Variants in PCDH9 observed in about 807,000 individuals in gnomAD.
PCDH9 encodes the protein protocadherin 9.
A neutral mutation model predicts 70.6 loss-of-function variants in PCDH9; 24 were observed. The observed-to-expected ratio is 0.34, with a 90% CI of 0.25 to 0.48. The LOEUF (loss-of-function observed/expected upper bound fraction) is 0.48, where lower values mean the gene tolerates loss of function less well. Among genes scored for constraint, PCDH9 ranks in the 20% least tolerant of loss-of-function variants. The probability of loss-of-function intolerance (pLI) is 0.99; values close to 1 mark genes in which losing one functional copy is unlikely to be tolerated. For synonymous variants in PCDH9, 562 were observed against 558.5 expected (o/e 1.01, Z -0.09); for missense variants, 1,281 against 1,503.6 (o/e 0.85, Z 2.45).
At chr13:66,744,016 C>G (rs1443475461) in intron 3 of PCDH9, among the ~76,000 whole-genome samples, 1 of 151,996 alleles carries the variant, frequency 6.6e-6, no homozygotes, top group African/African-American at 2.4e-5. Context: ...AAAGGCCATA[C>G]GTGCATAAAA....
intron 3 of PCDH9, among the ~76,000 whole-genome samples, chr13:66,715,469 G>A (rs1017659197): frequency 5.3e-5 from 8 of 152,084 alleles, no homozygotes; most frequent in Non-Finnish European, 8.8e-5. Flanking sequence ...CTGAAAATAA[G>A]AGATCAATAA....
At chr13:66,623,921 C>A (rs907194275) in intron 4 of PCDH9, among the ~76,000 whole-genome samples, 4 of 152,144 alleles carry the variant, frequency 2.6e-5, no homozygotes, top group Admixed American at 2.6e-4. Flanking sequence ...AAACTATACT[C>A]AGTGAGAAGT....
At chr13:66,580,657 C>T (rs867224620) in intron 4 of PCDH9, among the ~76,000 whole-genome samples, 1 of 151,724 alleles carries the variant, frequency 6.6e-6, no homozygotes, top group African/African-American at 2.4e-5. Context: ...TACTTCCCAC[C>T]ACCACCCCAC....
At chr13:66,959,605 G>A (rs1029170427) in intron 2 of PCDH9, among the ~76,000 whole-genome samples, 2 of 151,798 alleles carry the variant, frequency 1.3e-5, no homozygotes, top group African/African-American at 4.8e-5. Flanking sequence ...TAAAAAATTA[G>A]CTGGGTGTGG....
intron 3 of PCDH9, among the ~76,000 whole-genome samples, chr13:66,728,505 T>G (rs2079033712): frequency 6.6e-6 from 1 of 152,132 alleles, no homozygotes; most frequent in African/African-American, 2.4e-5. Context: ...AGGTGATCTT[T>G]CTTTCCTAAG....
chr13:66,876,010 C>T (rs2081800438), intron 3 of PCDH9, among the ~76,000 whole-genome samples: 1 of 152,126 alleles, frequency 6.6e-6, no homozygotes, highest in African/African-American at 2.4e-5. Context: ...ATACTGCTGA[C>T]CATCAAAACA....
chr13:66,347,986 T>G (rs536798060), intron 4 of PCDH9, among the ~76,000 whole-genome samples: 21 of 152,338 alleles, frequency 1.4e-4, no homozygotes, highest in African/African-American at 4.8e-4. Flanking sequence ...TCTTCAGGCC[T>G]CAGTTCAGTC....
intron 2 of PCDH9, among the ~76,000 whole-genome samples, chr13:67,033,909 G>C (rs2084957113): frequency 6.6e-6 from 1 of 152,186 alleles, no homozygotes; most frequent in African/African-American, 2.4e-5. Context: ...GGATGAGGAA[G>C]AGATTCAGAC....
intron 3 of PCDH9, among the ~76,000 whole-genome samples, chr13:66,836,021 T>C (rs939331271): frequency 1.1e-4 from 17 of 152,100 alleles, no homozygotes; most frequent in Non-Finnish European, 1.9e-4. Flanking sequence ...AGTTTGAACA[T>C]TAAAGTAATA....
intron 2 of PCDH9, among the ~76,000 whole-genome samples, chr13:66,912,430 G>C (rs977810217): frequency 1.2e-4 from 19 of 152,098 alleles, no homozygotes; most frequent in African/African-American, 4.1e-4. Flanking sequence ...GACGAGCCCA[G>C]GTGTATAGCG....
intron 4 of PCDH9, among the ~76,000 whole-genome samples, chr13:66,501,946 T>TA (rs1422335479): frequency 1.3e-5 from 2 of 152,100 alleles, no homozygotes; most frequent in Non-Finnish European, 2.9e-5. Context: ...CATAAAAACT[T>TA]AGAGTGCTGT....
chr13:66,839,999 C>G (rs1239829608), intron 3 of PCDH9, among the ~76,000 whole-genome samples: 1 of 152,154 alleles, frequency 6.6e-6, no homozygotes, highest in African/African-American at 2.4e-5. Context: ...AATCTTAGTG[C>G]CATGGACACT....
At position 66,869,651 on chromosome 13, in the gene PCDH9, A is replaced by C. The variant is rs150951397; in HGVS notation, c.3138+33853T>G. On this transcript the variant is annotated intron_variant, in intron 3 of 4. Transcript: ENST00000377865. ...ACTTATTCTGCGTGTCTTTATGTTT[A>C]GTTGCTATAAAAGAACTGTTAAAAA... Among the ~76,000 whole-genome samples, 37 of 152,242 alleles carry C rather than the reference A, an allele frequency of 2.4e-4. 2 individuals carry two copies. The East Asian group carries it at 3.1e-3, about 13-fold the overall frequency.
intron 2 of PCDH9, among the ~76,000 whole-genome samples, chr13:67,156,282 A>T (rs1048465186): frequency 4.6e-5 from 7 of 152,140 alleles, no homozygotes; most frequent in African/African-American, 1.4e-4. Context: ...AGAGGAGCGG[A>T]TCAGCAGAAG....
Position 66,644,281 on chromosome 13 carries a change from T to TA in PCDH9, c.3139-12871dup, listed in dbSNP as rs1182437275. Among the ~76,000 whole-genome samples the TA allele has an allele frequency of 2.6e-5, 4 of 151,872 alleles. No individual in the cohort carries two copies. The East Asian group carries it at 7.7e-4, about 29-fold the overall frequency. On this transcript the variant is annotated intron_variant, in intron 3 of 4. Coordinates refer to ENST00000377865, the MANE Select transcript of PCDH9 (RefSeq NM_203487.3). ...TAACATTAACTATGAATTTTATTAA[T>TA]AAAAAATGCATCAATACTGGCTCAT...
chr13:66,561,408 G>C (rs1962027235), intron 4 of PCDH9, among the ~76,000 whole-genome samples: 1 of 152,180 alleles, frequency 6.6e-6, no homozygotes, highest in African/African-American at 2.4e-5. Context: ...GAGGAGTGCA[G>C]ACACAAGGCA....
At chr13:66,549,857 T>A (rs1427532367) in intron 4 of PCDH9, among the ~76,000 whole-genome samples, 1 of 152,068 alleles carries the variant, frequency 6.6e-6, no homozygotes, top group African/African-American at 2.4e-5. Context: ...TATCTCTATT[T>A]AAAACAAAAA....
At chr13:67,063,960 A>G (rs895116980) in intron 2 of PCDH9, among the ~76,000 whole-genome samples, 2 of 152,184 alleles carry the variant, frequency 1.3e-5, no homozygotes, top group African/African-American at 4.8e-5. Context: ...AACATTTTGC[A>G]TAAATTATTT....
rs566354750 is a variant in PCDH9 at position 67,069,164 on chromosome 13, T to A, written c.3036+156241A>T. On this transcript the variant is annotated intron_variant, in intron 2 of 4. Coordinates refer to ENST00000377865, the MANE Select transcript of PCDH9 (RefSeq NM_203487.3). The stretch of plus-strand genomic sequence containing the variant: ...AATAAAATGCATTTAACTTAAATTT[T>A]CATAAAACTTTATCATATTAATACT... 6.7e-4 allele frequency among the ~76,000 whole-genome samples: 102 copies of A among 152,314 alleles called. No homozygotes were observed. In the Middle Eastern group the frequency reaches 0.014, roughly 20 times the overall value.
Sources: allele counts gnomAD v4.1 joint callset (sites outside exome capture counted in the v4.1 genomes callset), GRCh38; gene constraint gnomAD v4.1.1; transcripts MANE v1.5; gene names NCBI Gene and HGNC (gene_info 2026-07-23, HGNC 2026-07-21).